TANK: variants seen among roughly 807,000 people sequenced by gnomAD.
The protein encoded by TANK is TRAF family member-associated NF-kappa-B activator.
A neutral mutation model predicts 43.6 loss-of-function variants in TANK; 15 were observed. The observed-to-expected ratio is 0.34, with a 90% CI of 0.23 to 0.53. The LOEUF is 0.53. Ranked by LOEUF, TANK falls within the 20% of genes least tolerant of loss-of-function variation. The pLI, the probability that TANK is intolerant of heterozygous loss-of-function variation, is 0.94. For missense variants in TANK, 417 were observed against 498.6 expected, an observed-to-expected ratio of 0.84 and a Z score of 1.56; for synonymous variants, 162 against 178.2, an observed-to-expected ratio of 0.91 and a Z score of 0.73.
At chr2:161,200,594 A>T in intron 2 of TANK, 3 of 947,146 alleles carry the variant, frequency 3.2e-6, no homozygotes, top group Non-Finnish European at 3.8e-6. Context: ...TTCTAACGGT[A>T]TAAGCTTCCC....
chr2:161,180,223 C>A, intron 2 of TANK: 1 of 600,290 alleles, frequency 1.7e-6, no homozygotes, highest in Non-Finnish European at 2.1e-6. Context: ...TTCTTTATAA[C>A]AATTCAAAGT....
At chr2:161,138,878 T>C (rs1683662687) in intron 1 of TANK, among the ~76,000 whole-genome samples, 1 of 152,242 alleles carries the variant, frequency 6.6e-6, no homozygotes, top group South Asian at 2.1e-4. Flanking sequence ...TGCCTGAATA[T>C]TCTATTAATA....
At chr2:161,217,259 C>T (rs1687157815) in intron 4 of TANK, among the ~76,000 whole-genome samples, 6 of 152,156 alleles carry the variant, frequency 3.9e-5, no homozygotes, top group Admixed American at 3.9e-4. Context: ...AAGCTTTTAG[C>T]CTCGCACAAC....
At chr2:161,222,480 C>T (rs1687396541) in intron 4 of TANK, among the ~76,000 whole-genome samples, 1 of 151,888 alleles carries the variant, frequency 6.6e-6, no homozygotes, top group Admixed American at 6.6e-5. Context: ...AGTTTGTTTT[C>T]GTATTTGTAG....
At chr2:161,152,093 A>G (rs951510815) in intron 1 of TANK, among the ~76,000 whole-genome samples, 1 of 152,170 alleles carries the variant, frequency 6.6e-6, no homozygotes, top group Admixed American at 6.5e-5. Context: ...TGTTGTTGTC[A>G]CAAATTATAT....
chr2:161,230,055 A>G (rs1687831940), intron 6 of TANK, among the ~76,000 whole-genome samples: 1 of 152,038 alleles, frequency 6.6e-6, no homozygotes, highest in Non-Finnish European at 1.5e-5. Flanking sequence ...GCTCTTGTTG[A>G]TATCTATGTC....
chr2:161,207,594 T>C (rs971364572), intron 4 of TANK: 35 of 985,214 alleles, frequency 3.6e-5, no homozygotes, highest in Non-Finnish European at 4.1e-5. Context: ...GAGAGTTGGC[T>C]GTGTGCTTAG....
chr2:161,164,217 C>T (rs923275981), intron 1 of TANK, among the ~76,000 whole-genome samples: 11 of 152,214 alleles, frequency 7.2e-5, no homozygotes, highest in African/African-American at 2.7e-4. Flanking sequence ...TAAAGCTTCG[C>T]TATTTCGATG....
chr2:161,160,326 CGGAAGGGCCCTGGCCTTGTTGGGT>C (rs1684351028), upstream of TANK: 1 of 825,822 alleles, frequency 1.2e-6, no homozygotes, highest in African/African-American at 1.8e-5. Context: ...TGGGGCAGGG[CGGAAGGGCCCTGGCCTTGTTGGGT>C]GGAGGTGAAG....
At chr2:161,156,339 C>T, upstream of TANK, 1 of 985,372 alleles carries the variant, frequency 1.0e-6, no homozygotes, top group Middle Eastern at 5.2e-4. Flanking sequence ...TGTTCTGTGT[C>T]CTTACAGACT....
chr2:161,156,431 T>C (rs1476379053), upstream of TANK: 22 of 906,060 alleles, frequency 2.4e-5, no homozygotes, highest in Non-Finnish European at 2.9e-5. Context: ...ATGTATTTCA[T>C]CTCTTTTTGC....
At chr2:161,172,058 T>C (rs758901356) in intron 1 of TANK, among the ~76,000 whole-genome samples, 2 of 152,174 alleles carry the variant, frequency 1.3e-5, no homozygotes, top group Non-Finnish European at 2.9e-5. Flanking sequence ...GCCAGAGTTG[T>C]TTTTCCTGTT....
intron 1 of TANK, among the ~76,000 whole-genome samples, chr2:161,169,228 C>T (rs1684833573): frequency 6.6e-6 from 1 of 152,136 alleles, no homozygotes. Context: ...AGCCAGAAAG[C>T]TTACAGAGTG....
chr2:161,204,836 C>T (rs78752047), intron 4 of TANK, 43 bp downstream of exon 4: 8 of 1,587,410 alleles, frequency 5.0e-6, no homozygotes, highest in Admixed American at 3.8e-5. Flanking sequence ...AATGCTGATG[C>T]GTGACATAGC....
intron 4 of TANK, among the ~76,000 whole-genome samples, chr2:161,206,671 G>A (rs1200210779): frequency 6.6e-6 from 1 of 151,916 alleles, no homozygotes; most frequent in African/African-American, 2.4e-5. Flanking sequence ...AGAAACCATG[G>A]CAATGAAATA....
chr2:161,175,372 C>T (rs1201607372), intron 1 of TANK, among the ~76,000 whole-genome samples: 1 of 152,072 alleles, frequency 6.6e-6, no homozygotes, highest in South Asian at 2.1e-4. Flanking sequence ...TCATTTAAGC[C>T]TTCTGAGCCT....
chr2:161,171,110 G>C (rs941946757), intron 1 of TANK, among the ~76,000 whole-genome samples: 1 of 152,188 alleles, frequency 6.6e-6, no homozygotes, highest in African/African-American at 2.4e-5. Context: ...TACTAGGTCT[G>C]AATATTCATA....
intron 1 of TANK, among the ~76,000 whole-genome samples, chr2:161,172,627 T>C (rs1375588127): frequency 2.0e-5 from 3 of 152,188 alleles, no homozygotes; most frequent in African/African-American, 7.2e-5. Context: ...TATGTCTGGC[T>C]ATCACCACTT....
chr2:161,141,929 G>A (rs1446315355), intron 1 of TANK, among the ~76,000 whole-genome samples: 2 of 152,052 alleles, frequency 1.3e-5, no homozygotes, highest in Non-Finnish European at 2.9e-5. Flanking sequence ...ATAGTTGAAC[G>A]AATTTACATT....
Sources: gnomAD v4.1 joint callset for allele counts (sites outside exome capture counted in the v4.1 genomes callset) on GRCh38, gnomAD v4.1.1 for gene constraint, MANE v1.5 for transcripts, NCBI Gene and HGNC (gene_info 2026-07-23, HGNC 2026-07-21) for gene names.